Variants in CCDC7 observed in about 807,000 individuals in gnomAD.
CCDC7 encodes the protein coiled-coil domain containing 7, also known as coiled-coil domain-containing protein 7.
In CCDC7, 183 loss-of-function variants were observed where a neutral mutation model predicts 196.9. The observed-to-expected ratio is 0.93, with a 90% CI of 0.82 to 1.05. The LOEUF (loss-of-function observed/expected upper bound fraction) is 1.05, where lower values mean the gene tolerates loss of function less well. Ranked by LOEUF, CCDC7 falls within the 50% of genes least tolerant of loss-of-function variation. The pLI is 0.00. For synonymous variants in CCDC7, 525 were observed against 484.6 expected (o/e 1.08, Z -1.10); for missense variants, 1,540 against 1,482.2 (o/e 1.04, Z -0.64).
chr10:32,479,792 A>G (rs1216774055), intron 8 of CCDC7, among the ~76,000 whole-genome samples: 1 of 151,608 alleles, frequency 6.6e-6, no homozygotes, highest in Non-Finnish European at 1.5e-5. Flanking sequence ...AGTTCTTTAA[A>G]TGTTGGGTAG....
intron 21 of CCDC7, among the ~76,000 whole-genome samples, chr10:32,671,010 A>G (rs983220600): frequency 5.9e-5 from 9 of 152,276 alleles, no homozygotes; most frequent in Admixed American, 2.6e-4. Flanking sequence ...AAGAGTAAAA[A>G]AGTAAAAAAC....
chr10:32,583,017 G>T lies in CCDC7; in HGVS notation c.1455-17G>T. ...GTCTTCACATAATCTAATACCAGAT[G>T]TTTTATAATTCTAAAGCTCAGAGAA... On this transcript the variant is annotated splice_polypyrimidine_tract_variant and intron_variant, in intron 16 of 41. Coordinates refer to ENST00000639629, the Ensembl canonical transcript of CCDC7. The T allele has an allele frequency of 8.1e-7, 1 of 1,227,718 alleles. No homozygotes were observed. The highest frequency in any genetic ancestry group is 1.0e-6 in the Non-Finnish European group (1 of 984,230). The allele number at this position is 1,227,718 out of a possible 1,614,324, so 76.1% of individuals were successfully genotyped here.
chr10:32,531,446 G>T (rs1173386076), intron 11 of CCDC7, among the ~76,000 whole-genome samples: 1 of 152,134 alleles, frequency 6.6e-6, no homozygotes, highest in African/African-American at 2.4e-5. Context: ...TAAAGGTGTT[G>T]TTGAATGTGG....
chr10:32,875,482 C>T (rs2136950239), intron 41 of CCDC7, among the ~76,000 whole-genome samples: 1 of 152,082 alleles, frequency 6.6e-6, no homozygotes, highest in African/African-American at 2.4e-5. Context: ...TGTTCTGTTT[C>T]ATTGGTCGGT....
intron 30 of CCDC7, among the ~76,000 whole-genome samples, chr10:32,812,770 C>T (rs969364311): frequency 2.0e-5 from 3 of 152,114 alleles, no homozygotes; most frequent in African/African-American, 7.2e-5. Context: ...AATATTTCCT[C>T]AGATGGTCTC....
intron 8 of CCDC7, among the ~76,000 whole-genome samples, chr10:32,479,510 A>G (rs769242575): frequency 1.3e-5 from 2 of 152,130 alleles, no homozygotes; most frequent in Non-Finnish European, 2.9e-5. Context: ...AGTATATCAC[A>G]TTTATTTGCA....
At chr10:32,787,734 C>T (rs1247219651) in intron 29 of CCDC7, among the ~76,000 whole-genome samples, 5 of 152,148 alleles carry the variant, frequency 3.3e-5, no homozygotes, top group African/African-American at 4.8e-5. Context: ...TAGGCTTCTT[C>T]AGGCCAGCTC....
At chr10:32,606,433 A>C (rs2061565416) in intron 18 of CCDC7, among the ~76,000 whole-genome samples, 1 of 152,200 alleles carries the variant, frequency 6.6e-6, no homozygotes, top group South Asian at 2.1e-4. Flanking sequence ...CCAGACCCCC[A>C]AAATGGTAGA....
chr10:32,811,083 T>C (rs1378904247), intron 30 of CCDC7, among the ~76,000 whole-genome samples: 1 of 151,652 alleles, frequency 6.6e-6, no homozygotes, highest in African/African-American at 2.4e-5. Context: ...TTCAAATAAA[T>C]TAACAATGCA....
chr10:32,611,580 C>T (rs1431490672), intron 18 of CCDC7, among the ~76,000 whole-genome samples: 3 of 152,100 alleles, frequency 2.0e-5, no homozygotes, highest in South Asian at 2.1e-4. Context: ...TTTAATCCAT[C>T]TTGAGTTAAT....
intron 18 of CCDC7, among the ~76,000 whole-genome samples, chr10:32,612,811 G>A (rs2062322159): frequency 6.6e-6 from 1 of 151,842 alleles, no homozygotes; most frequent in South Asian, 2.1e-4. Context: ...GCTGGATTCA[G>A]TTTGCCAGTA....
At chr10:32,590,370 ACT>A (rs2059671722) in intron 18 of CCDC7, among the ~76,000 whole-genome samples, 1 of 151,502 alleles carries the variant, frequency 6.6e-6, no homozygotes, top group African/African-American at 2.4e-5. Context: ...ACTAGCAAAA[ACT>A]CTACACTTTA....
chr10:32,518,523 G>T lies in CCDC7; in HGVS notation c.993+18G>T. The T allele has an allele frequency of 6.3e-7, 1 of 1,595,998 alleles. No homozygotes were observed. The highest frequency in any genetic ancestry group is 8.5e-7 in the Non-Finnish European group (1 of 1,171,846). On this transcript the variant is annotated intron_variant, in intron 11 of 41. Transcript: ENST00000639629. ...ACAAAGAGGTTGGAAAAATTTTAGTGTTTGAAAATGGCATACACCTAATAA... is the reference window on the plus strand; with the variant it reads ...ACAAAGAGGTTGGAAAAATTTTAGTTTTTGAAAATGGCATACACCTAATAA...
At chr10:32,874,773 C>CAT (rs773217206) in intron 41 of CCDC7, among the ~76,000 whole-genome samples, 3 of 151,222 alleles carry the variant, frequency 2.0e-5, no homozygotes, top group Non-Finnish European at 4.4e-5. Context: ...CACACACACA[C>CAT]ACACACACAC....
chr10:32,503,618 C>G (rs1269707070), intron 9 of CCDC7, among the ~76,000 whole-genome samples: 1 of 152,132 alleles, frequency 6.6e-6, no homozygotes, highest in Non-Finnish European at 1.5e-5. Flanking sequence ...ACTTTGTTAT[C>G]AGGGTGATTA....
chr10:32,811,964 A>G (rs1487059759), intron 30 of CCDC7, among the ~76,000 whole-genome samples: 1 of 152,116 alleles, frequency 6.6e-6, no homozygotes. Flanking sequence ...GGACAAAACC[A>G]TATAATCACC....
intron 8 of CCDC7, 151 bp from the exon 10 acceptor site, chr10:32,491,771 C>T: frequency 1.8e-6 from 1 of 543,654 alleles, no homozygotes; most frequent in East Asian, 3.8e-5. Context: ...AGCTATTCTC[C>T]TCATAAGCAT....
At chr10:32,471,428 C>G (rs1240629253) in intron 6 of CCDC7, among the ~76,000 whole-genome samples, 198 bp downstream of exon 7, 1 of 152,066 alleles carries the variant, frequency 6.6e-6, no homozygotes, top group Admixed American at 6.6e-5. Flanking sequence ...CTGCATGTGG[C>G]TATGCAAATT....
chr10:32,824,111 C>T (rs375327354), intron 31 of CCDC7, among the ~76,000 whole-genome samples: 18 of 152,034 alleles, frequency 1.2e-4, no homozygotes, highest in Middle Eastern at 3.4e-3. Context: ...TCCACCTCAC[C>T]AGATATACCC....
Sources: allele counts gnomAD v4.1 joint callset (sites outside exome capture counted in the v4.1 genomes callset), GRCh38; gene constraint gnomAD v4.1.1; transcripts MANE v1.5; gene names NCBI Gene and HGNC (gene_info 2026-07-23, HGNC 2026-07-21).